HS2ST1: variants seen among roughly 807,000 people sequenced by gnomAD.
HS2ST1 encodes the protein 2-O-sulfotransferase.
In HS2ST1, 18 loss-of-function variants were observed where a neutral mutation model predicts 42.9. The observed-to-expected ratio is 0.42, with a 90% CI of 0.29 to 0.62. The LOEUF is 0.62. HS2ST1 is among the 20% of genes least tolerant of loss of function. The pLI, the probability that HS2ST1 is intolerant of heterozygous loss-of-function variation, is 0.21. For missense variants in HS2ST1, 334 were observed against 433.8 expected, an observed-to-expected ratio of 0.77 and a Z score of 2.04; for synonymous variants, 146 against 152.9, an observed-to-expected ratio of 0.95 and a Z score of 0.33.
intron 1 of HS2ST1, among the ~76,000 whole-genome samples, chr1:86,966,429 T>C (rs1056779171): frequency 6.6e-6 from 1 of 152,246 alleles, no homozygotes; most frequent in Non-Finnish European, 1.5e-5. Context: ...GGGGCATTGC[T>C]CTTAAATTGG....
At chr1:86,947,395 G>A (rs1370933516) in intron 1 of HS2ST1, among the ~76,000 whole-genome samples, 1 of 152,178 alleles carries the variant, frequency 6.6e-6, no homozygotes, top group Non-Finnish European at 1.5e-5. Context: ...TGTGACCTCT[G>A]TGCACTTTGT....
intron 1 of HS2ST1, among the ~76,000 whole-genome samples, chr1:87,043,797 G>T (rs766208857): frequency 1.6e-4 from 25 of 152,020 alleles, no homozygotes; most frequent in South Asian, 2.1e-4. Context: ...ATATATACAG[G>T]AAGCTATGAA....
chr1:86,960,171 AT>A (rs1336217628), intron 1 of HS2ST1, among the ~76,000 whole-genome samples: 3 of 146,348 alleles, frequency 2.0e-5, no homozygotes, highest in Non-Finnish European at 4.5e-5. Context: ...AAAAACGGTA[AT>A]TTTTTCCACA....
chr1:86,958,102 TA>T (rs764413533), intron 1 of HS2ST1, among the ~76,000 whole-genome samples: 32 of 152,234 alleles, frequency 2.1e-4, no homozygotes, highest in Non-Finnish European at 3.2e-4. Context: ...AAGGGGTTTA[TA>T]TATAGGTAGC....
chr1:86,924,753 G>T (rs2102157645), intron 1 of HS2ST1, among the ~76,000 whole-genome samples: 1 of 152,234 alleles, frequency 6.6e-6, no homozygotes, highest in East Asian at 1.9e-4. Flanking sequence ...GGGACCCTGG[G>T]CCTGGCCCAC....
chr1:87,036,288 A>T (rs961734755), intron 1 of HS2ST1, among the ~76,000 whole-genome samples: 1 of 152,210 alleles, frequency 6.6e-6, no homozygotes, highest in Non-Finnish European at 1.5e-5. Flanking sequence ...TTTATAGCAC[A>T]TGATTTATAA....
intron 1 of HS2ST1, among the ~76,000 whole-genome samples, chr1:86,981,798 G>A (rs1648600943): frequency 6.6e-6 from 1 of 152,222 alleles, no homozygotes; most frequent in Non-Finnish European, 1.5e-5. Flanking sequence ...CAAGCTATTG[G>A]TGGACCTACC....
rs182238658 is a variant in HS2ST1, at chr1:86,978,754, T to C, written c.124+63594T>C. 3.7e-4 allele frequency among the ~76,000 whole-genome samples: 57 copies of C among 152,126 alleles called. 1 individual carries two copies. The highest frequency in any genetic ancestry group is 3.3e-3 in the Admixed American group (51 of 15,276). ...AATTAAGAATATAATATATTGATAG[T>C]GGTAAAATAGATGCAGGACTGTATC... On this transcript the variant is annotated intron_variant, in intron 1 of 6. Coordinates refer to ENST00000370550, the MANE Select transcript of HS2ST1 (RefSeq NM_012262.4).
intron 1 of HS2ST1, among the ~76,000 whole-genome samples, chr1:86,973,018 G>C (rs6667301): frequency 0.7 from 105,836 of 152,008 alleles, 39,116 homozygotes; most frequent in East Asian, 0.97. Flanking sequence ...TTTGTCATGG[G>C]GTTCACGATG....
chr1:87,010,527 A>G (rs1396248159), intron 1 of HS2ST1, among the ~76,000 whole-genome samples: 1 of 152,040 alleles, frequency 6.6e-6, no homozygotes, highest in Admixed American at 6.6e-5. Flanking sequence ...TTTTTTTTGT[A>G]TAGAGTACCA....
At chr1:87,085,848 G>T (rs1324667795) in intron 3 of HS2ST1, among the ~76,000 whole-genome samples, 9 of 152,156 alleles carry the variant, frequency 5.9e-5, no homozygotes, top group Non-Finnish European at 1.3e-4. Context: ...TCTGATATAT[G>T]CTGAGGTTCT....
chr1:87,094,207 G>A (rs1248319280), intron 4 of HS2ST1, among the ~76,000 whole-genome samples: 1 of 151,864 alleles, frequency 6.6e-6, no homozygotes, highest in Non-Finnish European at 1.5e-5. Context: ...AGTAATATTA[G>A]CGTCGGTGTT....
chr1:87,056,679 TG>T (rs1458873728), intron 1 of HS2ST1, among the ~76,000 whole-genome samples: 1 of 152,214 alleles, frequency 6.6e-6, no homozygotes, highest in East Asian at 1.9e-4. Flanking sequence ...AGATTGGTGG[TG>T]TTATAATGAA....
chr1:87,027,337 C>T (rs1247248726), intron 1 of HS2ST1, among the ~76,000 whole-genome samples: 8 of 152,106 alleles, frequency 5.3e-5, no homozygotes, highest in Non-Finnish European at 1.2e-4. Context: ...TAATTAAAGT[C>T]ATTTTACCAA....
chr1:87,096,502 A>T (rs1187565603), intron 4 of HS2ST1, among the ~76,000 whole-genome samples: 1 of 152,208 alleles, frequency 6.6e-6, no homozygotes, highest in African/African-American at 2.4e-5. Context: ...TGGCAGATAC[A>T]AGTTTTCCAA....
At chr1:87,034,372 G>A (rs76394297) in intron 1 of HS2ST1, among the ~76,000 whole-genome samples, 3,653 of 152,306 alleles carry the variant, frequency 0.024, 46 homozygotes, top group South Asian at 0.053. Context: ...GTGGTCTCCA[G>A]AGTAACTATT....
At chr1:87,009,018 A>G (rs936981137) in intron 1 of HS2ST1, among the ~76,000 whole-genome samples, 3 of 152,004 alleles carry the variant, frequency 2.0e-5, no homozygotes, top group Non-Finnish European at 4.4e-5. Flanking sequence ...TGATTTTTGT[A>G]GTTTCTCTAG....
At chr1:86,961,477 CTT>C (rs1224980661) in intron 1 of HS2ST1, among the ~76,000 whole-genome samples, 1 of 152,018 alleles carries the variant, frequency 6.6e-6, no homozygotes, top group Non-Finnish European at 1.5e-5. Flanking sequence ...AGAAGGAACA[CTT>C]GAGAGATTTC....
chr1:87,006,531 A>G (rs1649440868), intron 1 of HS2ST1, among the ~76,000 whole-genome samples: 1 of 152,150 alleles, frequency 6.6e-6, no homozygotes, highest in Non-Finnish European at 1.5e-5. Flanking sequence ...AACACTTAGT[A>G]ATTCTGTGCA....
Sources: allele counts gnomAD v4.1 joint callset (sites outside exome capture counted in the v4.1 genomes callset), GRCh38; gene constraint gnomAD v4.1.1; transcripts MANE v1.5; gene names NCBI Gene and HGNC (gene_info 2026-07-23, HGNC 2026-07-21).